The following LPAR3 variants were observed in gnomAD, a reference collection of about 807,000 sequenced individuals.
LPAR3 encodes the protein LPA receptor 3.
Under a neutral mutation model 17.8 loss-of-function variants are expected in LPAR3, and 7 were observed. The observed-to-expected ratio is 0.39, with a 90% CI of 0.22 to 0.74. The LOEUF (loss-of-function observed/expected upper bound fraction) is 0.74. LPAR3 is among the 30% of genes least tolerant of loss of function. The pLI is 0.40. For synonymous variants in LPAR3, 179 were observed against 179.9 expected (o/e 0.99, Z 0.04); for missense variants, 391 against 453.4 (o/e 0.86, Z 1.25).
intron 2 of LPAR3, among the ~76,000 whole-genome samples, chr1:84,834,376 GAGT>G: frequency 6.6e-6 from 1 of 152,318 alleles, no homozygotes; most frequent in African/African-American, 2.4e-5. Flanking sequence ...ATACTAATAA[GAGT>G]AGAATTTGAC....
intron 2 of LPAR3, among the ~76,000 whole-genome samples, chr1:84,842,288 A>G (rs999722053): frequency 6.6e-6 from 1 of 152,242 alleles, no homozygotes; most frequent in Non-Finnish European, 1.5e-5. Flanking sequence ...TGAAACACAC[A>G]GTTCCTTCCA....
chr1:84,838,380 G>A (rs909121795), intron 2 of LPAR3, among the ~76,000 whole-genome samples: 1 of 152,206 alleles, frequency 6.6e-6, no homozygotes, highest in South Asian at 2.1e-4. Flanking sequence ...TACAGACTGC[G>A]CTCATATATG....
chr1:84,880,541 G>T (rs17116972), intron 1 of LPAR3, among the ~76,000 whole-genome samples: 24,120 of 152,162 alleles, frequency 0.16, 2,854 homozygotes, highest in African/African-American at 0.33. Context: ...GAGTATGGGT[G>T]CATCTTCCCA....
chr1:84,855,731 C>T (rs1659805652), intron 2 of LPAR3, among the ~76,000 whole-genome samples: 1 of 152,094 alleles, frequency 6.6e-6, no homozygotes, highest in Admixed American at 6.5e-5. Flanking sequence ...ACATTGGAAA[C>T]AAGAACACTG....
At position 84,825,899 on chromosome 1, in the gene LPAR3, A is replaced by G. The variant is rs1188913541; in HGVS notation, c.737-11728T>C. Among the ~76,000 whole-genome samples the G allele has an allele frequency of 3.3e-5, 5 of 152,324 alleles. No individual in the cohort carries two copies. In the East Asian group the frequency reaches 9.6e-4, roughly 29 times the overall value. ...ATAAAAGAACAAATGTATAAACAAT[A>G]TTCCAAAGTTACAGAGCAATCACAC... On this transcript the variant is annotated intron_variant, in intron 2 of 2. Transcript: ENST00000370611.
chr1:84,837,648 T>C (rs1659431923), intron 2 of LPAR3, among the ~76,000 whole-genome samples: 1 of 152,228 alleles, frequency 6.6e-6, no homozygotes, highest in Non-Finnish European at 1.5e-5. Context: ...ATTCGTAAGT[T>C]TGTTGACACT....
chr1:84,884,243 A>G (rs1660418085), intron 1 of LPAR3, among the ~76,000 whole-genome samples: 1 of 152,266 alleles, frequency 6.6e-6, no homozygotes, highest in Non-Finnish European at 1.5e-5. Context: ...CAGTGAGGAC[A>G]ACCCAAATGT....
At position 84,866,052 on chromosome 1, in the gene LPAR3, A is replaced by G. The variant is rs1449368071; in HGVS notation, c.69T>C (p.Asp23=). 6.2e-7 allele frequency: 1 copy of G among 1,613,990 alleles called. No individual in the cohort carries two copies. The highest frequency in any genetic ancestry group is 8.5e-7 in the Non-Finnish European group (1 of 1,179,938). Residue 23 remains aspartate, a synonymous_variant, in exon 2 of 3, where the codon GAT becomes GAC. Transcript: ENST00000370611. Reference sequence around the variant, plus strand: ...TCACAAGCTTTGTTCCTGTCCAGTCATCGACAGTATCAGTGTTGCTCCTAT... The same window carrying G: ...TCACAAGCTTTGTTCCTGTCCAGTCGTCGACAGTATCAGTGTTGCTCCTAT... ...FYNRSNTDTV[D]DWTGTKLVIV...
intron 1 of LPAR3, among the ~76,000 whole-genome samples, chr1:84,882,735 G>C (rs1660389067): frequency 6.6e-6 from 1 of 152,182 alleles, no homozygotes; most frequent in Non-Finnish European, 1.5e-5. Context: ...ATGGAGAAAA[G>C]ATAGTCTCTT....
chr1:84,878,320 T>C (rs1445219678), intron 1 of LPAR3, among the ~76,000 whole-genome samples: 1 of 152,338 alleles, frequency 6.6e-6, no homozygotes, highest in Admixed American at 6.5e-5. Context: ...TTGACGCTCC[T>C]GTTTTTTCCC....
At chr1:84,871,753 C>A (rs570643373) in intron 1 of LPAR3, among the ~76,000 whole-genome samples, 6 of 152,284 alleles carry the variant, frequency 3.9e-5, no homozygotes, top group Admixed American at 3.9e-4. Context: ...CCCAGAGGTT[C>A]ATTTTAGCCA....
At chr1:84,864,010 G>A (rs1262827890) in intron 2 of LPAR3, among the ~76,000 whole-genome samples, 1 of 151,982 alleles carries the variant, frequency 6.6e-6, no homozygotes, top group Non-Finnish European at 1.5e-5. Flanking sequence ...TCAGGAGTTC[G>A]AGAGTAGCCT....
chr1:84,851,975 T>C (rs1326912158), intron 2 of LPAR3, among the ~76,000 whole-genome samples: 2 of 151,970 alleles, frequency 1.3e-5, no homozygotes, highest in Non-Finnish European at 2.9e-5. Context: ...AGATGACCGT[T>C]AGCAACACAC....
rs1659950797 is a variant in LPAR3, at chr1:84,862,071, AAAG to A, written c.736+3311_736+3313del. Among the ~76,000 whole-genome samples the A allele has an allele frequency of 2.6e-5, 4 of 152,342 alleles. No homozygotes were observed. The South Asian group carries it at 8.3e-4, about 32-fold the overall frequency. On this transcript the variant is annotated intron_variant, in intron 2 of 2. Coordinates refer to ENST00000370611, the MANE Select transcript of LPAR3 (RefSeq NM_012152.3). Reference sequence around the variant, plus strand: ...TATACTATATTATAATATGATGAGAAAAGAAAGTTTTCTTTTTAAGCAGGCGGG... The same window carrying A: ...TATACTATATTATAATATGATGAGAAAAAGTTTTCTTTTTAAGCAGGCGGG...
chr1:84,880,970 C>A (rs1242256191), intron 1 of LPAR3, among the ~76,000 whole-genome samples: 2 of 152,226 alleles, frequency 1.3e-5, no homozygotes, highest in East Asian at 3.8e-4. Context: ...TCCTGCCCAG[C>A]AGGGTTTCGT....
chr1:84,881,553 T>A (rs1247930312), intron 1 of LPAR3, among the ~76,000 whole-genome samples: 3 of 152,186 alleles, frequency 2.0e-5, no homozygotes, highest in African/African-American at 7.2e-5. Flanking sequence ...AGATTAACTG[T>A]TCATGCTCTA....
intron 2 of LPAR3, among the ~76,000 whole-genome samples, chr1:84,828,728 T>A (rs1659218181): frequency 1.3e-5 from 2 of 152,174 alleles, no homozygotes; most frequent in Admixed American, 1.3e-4. Context: ...TCATTTTCTC[T>A]TTTTCCTCAG....
chr1:84,816,319 A>G (rs1570851996), intron 2 of LPAR3, among the ~76,000 whole-genome samples: 1 of 152,312 alleles, frequency 6.6e-6, no homozygotes, highest in East Asian at 1.9e-4. Context: ...ATGGAGAGTT[A>G]AAAGCCACAG....
At position 84,865,849 on chromosome 1, in the gene LPAR3, C is replaced by T. The variant is rs1349949257; in HGVS notation, c.272G>A (p.Gly91Asp). 1.2e-6 allele frequency: 2 copies of T among 1,614,112 alleles called. No individual in the cohort carries two copies. The highest frequency in any genetic ancestry group is 1.7e-6 in the Non-Finnish European group (2 of 1,180,034). The part of the protein sequence containing the change: ...IAYVFLMFNT[G>D]PVSKTLTVNR... ...GACAGTCAAAGTTTTTGAAACTGGG[C>T]CTGTGTTAAACATCAGGAATACATA... Residue 91 changes from glycine (G) to aspartate (D), a missense_variant, in exon 2 of 3, where the codon GGC (glycine) becomes GAC (aspartate). Physicochemically the swap from Gly to Asp is moderately conservative, Grantham distance 94. Coordinates refer to ENST00000370611, the MANE Select transcript of LPAR3 (RefSeq NM_012152.3).
Sources: allele counts gnomAD v4.1 joint callset (sites outside exome capture counted in the v4.1 genomes callset), GRCh38; gene constraint gnomAD v4.1.1; transcripts MANE v1.5; gene names NCBI Gene and HGNC (gene_info 2026-07-23, HGNC 2026-07-21).